The following KLHDC4 variants were observed in gnomAD, a reference collection of about 807,000 sequenced individuals.
KLHDC4 encodes kelch domain containing 4.
KLHDC4 carries 90 observed loss-of-function variants against 62.4 expected under a neutral mutation model. The ratio of observed to expected loss-of-function variants is 1.44; its 90% CI spans 1.22 to 1.72. KLHDC4 has a LOEUF of 1.72. Among genes scored for constraint, KLHDC4 ranks in the 40% most tolerant of loss-of-function variants. KLHDC4 has a pLI of 0.00. For missense variants in KLHDC4, 1,025 were observed against 699.7 expected (o/e 1.47, Z -5.25); for synonymous variants, 386 against 284.4 (o/e 1.36, Z -3.59).
chr16:87,735,976 G>T (rs147185413), intron 5 of KLHDC4, among the ~76,000 whole-genome samples: 96 of 152,314 alleles, frequency 6.3e-4, no homozygotes, highest in African/African-American at 2.3e-3. Flanking sequence ...GCTTCTCTGA[G>T]TTAAGCACTC....
intron 4 of KLHDC4, among the ~76,000 whole-genome samples, chr16:87,754,344 T>TCAA (rs908569357): frequency 3.9e-5 from 6 of 152,068 alleles, no homozygotes; most frequent in Admixed American, 2.0e-4. Flanking sequence ...AGACTCCATC[T>TCAA]CAACAACAAC....
intron 2 of KLHDC4, 91 bp downstream of exon 2, chr16:87,761,857 TG>T: frequency 8.4e-7 from 1 of 1,189,998 alleles, no homozygotes; most frequent in Non-Finnish European, 1.2e-6. Flanking sequence ...CCCAAGTGCC[TG>T]GTCATTTACG....
At chr16:87,718,756 C>A (rs2037606206) in intron 7 of KLHDC4, among the ~76,000 whole-genome samples, 1 of 151,592 alleles carries the variant, frequency 6.6e-6, no homozygotes, top group South Asian at 2.1e-4. Flanking sequence ...CTCTTCCCGG[C>A]CGCCATCCTG....
At chr16:87,764,876 GAA>G (rs917233815) in intron 1 of KLHDC4, among the ~76,000 whole-genome samples, 4 of 151,106 alleles carry the variant, frequency 2.6e-5, no homozygotes, top group African/African-American at 9.7e-5. Context: ...GAGTGTGAGG[GAA>G]AAGTCCAACT....
downstream of KLHDC4, among the ~76,000 whole-genome samples, chr16:87,705,294 A>G (rs2034532949): frequency 6.6e-6 from 1 of 152,256 alleles, no homozygotes; most frequent in Non-Finnish European, 1.5e-5. Context: ...CCCGGCAGAC[A>G]GAGCAGACCA....
At position 87,761,621 on chromosome 16, in the gene KLHDC4, G is replaced by A. The variant is rs574041260; in HGVS notation, c.191+328C>T. ...AGTGATTTTCAGCTTTCTGCCTACA[G>A]TACGCACTTTTAAAATACCTTAAGA... On this transcript the variant is annotated intron_variant, in intron 2 of 11. Coordinates refer to ENST00000270583, the MANE Select transcript of KLHDC4 (RefSeq NM_017566.4). Among the ~76,000 whole-genome samples the A allele has an allele frequency of 2.4e-3, 359 of 152,306 alleles. 1 individual carries two copies. Among genetic ancestry groups the A allele is most frequent in the Non-Finnish European group, 3.9e-3 (268 of 68,024 alleles).
chr16:87,698,417 C>T (rs746655859), exon 1 of KLHDC4: 3 of 152,156 alleles, frequency 2.0e-5, no homozygotes, highest in Non-Finnish European at 4.4e-5. Context: ...ACAAAGATCA[C>T]AGCTGCTTTT....
intron 3 of KLHDC4, chr16:87,755,533 T>C (rs2044739883): frequency 2.8e-6 from 1 of 356,314 alleles, no homozygotes; most frequent in Non-Finnish European, 5.3e-6. Flanking sequence ...TCGTTGTTAT[T>C]AGGACTGGTC....
intron 7 of KLHDC4, among the ~76,000 whole-genome samples, chr16:87,721,403 G>C (rs1206198226): frequency 7.7e-6 from 1 of 130,156 alleles, no homozygotes; most frequent in Non-Finnish European, 1.6e-5. Context: ...GATAGAGCGA[G>C]ACTCTGTCTC....
chr16:87,728,828 A>T (rs1196984359), intron 6 of KLHDC4, among the ~76,000 whole-genome samples: 1 of 152,022 alleles, frequency 6.6e-6, no homozygotes, highest in African/African-American at 2.4e-5. Context: ...AAAATACAAA[A>T]ATTAGCTGGG....
intron 4 of KLHDC4, among the ~76,000 whole-genome samples, chr16:87,752,185 T>G (rs189761406): frequency 2.3e-3 from 325 of 142,790 alleles, no homozygotes; most frequent in African/African-American, 8.1e-3. Context: ...GGCAGGAGGA[T>G]CGTTTGAGCC....
At chr16:87,737,445 G>C (rs868178239) in intron 5 of KLHDC4, among the ~76,000 whole-genome samples, 12 of 150,934 alleles carry the variant, frequency 8.0e-5, no homozygotes, top group Admixed American at 2.0e-4. Flanking sequence ...AAAATTAGCC[G>C]AGCGTGGTGG....
intron 7 of KLHDC4, among the ~76,000 whole-genome samples, chr16:87,723,760 G>C (rs1427819335): frequency 6.6e-6 from 1 of 152,266 alleles, no homozygotes; most frequent in Admixed American, 6.5e-5. Flanking sequence ...TCAGAATGGA[G>C]AAACAGACCT....
exon 1 of KLHDC4, chr16:87,701,500 G>C (rs981559177): frequency 2.8e-6 from 1 of 359,234 alleles, no homozygotes; most frequent in African/African-American, 2.1e-5. Context: ...CCAAGCCTAG[G>C]AGAAGCAAGC....
chr16:87,748,560 G>A, intron 5 of KLHDC4, 113 bp downstream of exon 5: 1 of 1,368,284 alleles, frequency 7.3e-7, no homozygotes, highest in Non-Finnish European at 1.0e-6. Flanking sequence ...CCAGGACTGT[G>A]ACCCAAGTTC....
chr16:87,742,293 G>C (rs991094533), intron 5 of KLHDC4, among the ~76,000 whole-genome samples: 8 of 152,106 alleles, frequency 5.3e-5, no homozygotes, highest in Non-Finnish European at 1.0e-4. Flanking sequence ...ACTAGCCCCT[G>C]ACGATCCGGC....
downstream of KLHDC4, among the ~76,000 whole-genome samples, chr16:87,706,802 G>A (rs917592864): frequency 1.3e-5 from 2 of 152,186 alleles, no homozygotes; most frequent in African/African-American, 4.8e-5. Flanking sequence ...CACTTCTCAA[G>A]CCATCGCCCC....
chr16:87,760,183 G>A (rs1188528595), intron 2 of KLHDC4, among the ~76,000 whole-genome samples: 1 of 148,638 alleles, frequency 6.7e-6, no homozygotes, highest in Non-Finnish European at 1.5e-5. Flanking sequence ...ATCCTGACAT[G>A]AAATCTGACT....
Position 87,741,271 on chromosome 16 carries a change from G to A in KLHDC4, c.506+7402C>T, listed in dbSNP as rs114409541. Among the ~76,000 whole-genome samples the A allele has an allele frequency of 7.9e-3, 1,196 of 152,310 alleles. 25 individuals are homozygous for A. Among genetic ancestry groups the A allele is most frequent in the African/African-American group, 0.028 (1,147 of 41,574 alleles). ...ACATAGCAGAAGGCAGCCAGCCAGCGCTGGCCTGGACAGAGGCCCAGGCGC... is the reference window on the plus strand; with the variant it reads ...ACATAGCAGAAGGCAGCCAGCCAGCACTGGCCTGGACAGAGGCCCAGGCGC... On this transcript the variant is annotated intron_variant, in intron 5 of 11. Coordinates refer to ENST00000270583, the MANE Select transcript of KLHDC4 (RefSeq NM_017566.4).
Sources: gnomAD v4.1 joint callset for allele counts (sites outside exome capture counted in the v4.1 genomes callset) on GRCh38, gnomAD v4.1.1 for gene constraint, MANE v1.5 for transcripts, NCBI Gene and HGNC (gene_info 2026-07-23, HGNC 2026-07-21) for gene names.